Variants in LRRTM4 observed in about 807,000 individuals in gnomAD.
LRRTM4 encodes leucine rich repeat transmembrane neuronal 4.
Under a neutral mutation model 47.6 loss-of-function variants are expected in LRRTM4, and 25 were observed. The observed-to-expected ratio is 0.53, with a 90% CI of 0.38 to 0.73. The LOEUF (loss-of-function observed/expected upper bound fraction) is 0.73. LRRTM4 is among the 30% of genes least tolerant of loss of function. The probability of loss-of-function intolerance (pLI) is 0.00; values close to 1 mark genes in which losing one functional copy is unlikely to be tolerated. For synonymous variants in LRRTM4, 311 were observed against 269.5 expected (o/e 1.15, Z -1.51); for missense variants, 638 against 713.4 (o/e 0.89, Z 1.20).
chr2:77,470,347 G>A (rs1303774238), intron 3 of LRRTM4, among the ~76,000 whole-genome samples: 4 of 152,144 alleles, frequency 2.6e-5, no homozygotes, highest in African/African-American at 9.7e-5. Context: ...ACACCAAGTT[G>A]ATGCCAAATA....
chr2:77,141,374 A>G (rs1286245796), intron 3 of LRRTM4, among the ~76,000 whole-genome samples: 1 of 151,902 alleles, frequency 6.6e-6, no homozygotes, highest in East Asian at 1.9e-4. Flanking sequence ...CACAAGGACA[A>G]AAAACCAAAC....
At chr2:77,033,522 G>A (rs927006094) in intron 3 of LRRTM4, among the ~76,000 whole-genome samples, 1 of 151,678 alleles carries the variant, frequency 6.6e-6, no homozygotes, top group African/African-American at 2.4e-5. Context: ...CCTGTGTACC[G>A]AATATCAATT....
intron 3 of LRRTM4, among the ~76,000 whole-genome samples, chr2:77,507,047 G>T (rs1276599045): frequency 1.3e-5 from 2 of 151,816 alleles, no homozygotes; most frequent in African/African-American, 2.4e-5. Context: ...GCATAGTGGG[G>T]CTTGTTGGTA....
intron 3 of LRRTM4, among the ~76,000 whole-genome samples, chr2:76,801,448 G>T (rs1318205392): frequency 1.3e-5 from 2 of 151,970 alleles, no homozygotes; most frequent in Non-Finnish European, 2.9e-5. Context: ...CTCACTCATA[G>T]GTGGGAATTG....
At chr2:76,807,932 CCTTTCTTTCTTTCTTTCTTTCTTTTTCTT>C (rs1670590903) in intron 3 of LRRTM4, among the ~76,000 whole-genome samples, 1 of 123,082 alleles carries the variant, frequency 8.1e-6, no homozygotes, top group Non-Finnish European at 1.7e-5. Flanking sequence ...TCTTTCCTTT[CCTTTCTTTCTTTCTTTCTTTCTTTTTCTT>C]TTTCTTTCCT....
chr2:76,850,422 T>A lies in LRRTM4; in HGVS notation c.1552-101506A>T, dbSNP rs557065593. ...GTAAAAATTGGATTCAAATCTTGGT[T>A]CCATCGACAATTCAGTGATGTTGAA... On this transcript the variant is annotated intron_variant, in intron 3 of 3. Coordinates refer to ENST00000409884, the MANE Select transcript of LRRTM4 (RefSeq NM_001134745.3). 1.3e-4 allele frequency among the ~76,000 whole-genome samples: 20 copies of A among 152,302 alleles called. 1 individual carries two copies. The South Asian group carries it at 4.1e-3, about 32-fold the overall frequency.
At chr2:77,052,001 A>T (rs2103774612) in intron 3 of LRRTM4, among the ~76,000 whole-genome samples, 1 of 148,052 alleles carries the variant, frequency 6.8e-6, no homozygotes, top group Admixed American at 7.0e-5. Flanking sequence ...GTGTACTTTT[A>T]AAAATTTATT....
intron 3 of LRRTM4, among the ~76,000 whole-genome samples, chr2:76,754,898 G>C (rs1398680170): frequency 1.3e-5 from 2 of 152,076 alleles, no homozygotes; most frequent in Admixed American, 1.3e-4. Flanking sequence ...AGCACTCACG[G>C]GAGCTCATCA....
At chr2:77,327,790 A>G (rs1376084094) in intron 3 of LRRTM4, among the ~76,000 whole-genome samples, 2 of 152,132 alleles carry the variant, frequency 1.3e-5, no homozygotes, top group African/African-American at 4.8e-5. Context: ...GTAGAAAGAA[A>G]AATGTAAGTA....
At chr2:77,210,073 C>T (rs1674249021) in intron 3 of LRRTM4, among the ~76,000 whole-genome samples, 1 of 152,096 alleles carries the variant, frequency 6.6e-6, no homozygotes, top group East Asian at 1.9e-4. Flanking sequence ...ACAATTATAC[C>T]AAGACCTATT....
At chr2:76,837,646 T>C (rs576271088) in intron 3 of LRRTM4, among the ~76,000 whole-genome samples, 18 of 152,252 alleles carry the variant, frequency 1.2e-4, no homozygotes, top group South Asian at 1.0e-3. Flanking sequence ...CGCATGTTTA[T>C]TGCAGCACTA....
intron 3 of LRRTM4, among the ~76,000 whole-genome samples, chr2:76,820,296 T>G (rs987615340): frequency 2.6e-5 from 4 of 151,854 alleles, no homozygotes; most frequent in Non-Finnish European, 5.9e-5. Flanking sequence ...TGGGACTTAC[T>G]TTCTTCTCAT....
At chr2:77,308,658 A>G (rs1016078324) in intron 3 of LRRTM4, among the ~76,000 whole-genome samples, 3 of 152,110 alleles carry the variant, frequency 2.0e-5, no homozygotes, top group Non-Finnish European at 2.9e-5. Flanking sequence ...TTTTTCTTCT[A>G]TCATTCCCAC....
chr2:76,976,437 GAAT>G lies in LRRTM4; in HGVS notation c.1552-227524_1552-227522del, dbSNP rs767354599. ...TAAAAAAAATAAACCAAAACCACATGAATAATAATATTAGCCAATATTAATTAT... is the reference window on the plus strand; with the variant it reads ...TAAAAAAAATAAACCAAAACCACATGAATAATATTAGCCAATATTAATTAT... On this transcript the variant is annotated intron_variant, in intron 3 of 3. Transcript: ENST00000409884. Among the ~76,000 whole-genome samples the G allele has an allele frequency of 4.3e-4, 65 of 151,304 alleles. 1 individual carries two copies. The highest frequency in any genetic ancestry group is 2.6e-3 in the Admixed American group (40 of 15,158).
intron 3 of LRRTM4, among the ~76,000 whole-genome samples, chr2:77,061,902 G>A (rs1325673304): frequency 1.3e-5 from 2 of 151,870 alleles, no homozygotes; most frequent in Non-Finnish European, 2.9e-5. Flanking sequence ...CATCTACATA[G>A]TATTTAATAG....
chr2:76,885,570 C>T (rs1367935489), intron 3 of LRRTM4, among the ~76,000 whole-genome samples: 1 of 150,770 alleles, frequency 6.6e-6, no homozygotes, highest in African/African-American at 2.4e-5. Flanking sequence ...TCACGCCATT[C>T]TCCCGCCTCA....
intron 3 of LRRTM4, among the ~76,000 whole-genome samples, chr2:77,113,919 G>C (rs975238542): frequency 6.6e-6 from 1 of 152,048 alleles, no homozygotes; most frequent in Non-Finnish European, 1.5e-5. Context: ...TGTCCTATTC[G>C]GGGCCGCGGA....
intron 3 of LRRTM4, among the ~76,000 whole-genome samples, chr2:77,036,159 G>T (rs973569446): frequency 2.0e-5 from 3 of 151,722 alleles, no homozygotes; most frequent in African/African-American, 7.3e-5. Flanking sequence ...AACACCAGGG[G>T]AAAGCATTAT....
chr2:77,384,348 A>T (rs1029772016), intron 3 of LRRTM4, among the ~76,000 whole-genome samples: 2 of 151,916 alleles, frequency 1.3e-5, no homozygotes, highest in African/African-American at 4.8e-5. Context: ...GTGTGATGTT[A>T]TCCAAGTTAT....
Sources: gnomAD v4.1 joint callset for allele counts (sites outside exome capture counted in the v4.1 genomes callset) on GRCh38, gnomAD v4.1.1 for gene constraint, MANE v1.5 for transcripts, NCBI Gene and HGNC (gene_info 2026-07-23, HGNC 2026-07-21) for gene names.